CACNA1E: variants seen among roughly 807,000 people sequenced by gnomAD.
The protein encoded by CACNA1E is voltage-dependent R-type calcium channel subunit alpha-1E.
CACNA1E carries 40 observed loss-of-function variants against 259.2 expected under a neutral mutation model. That is an observed-to-expected ratio of 0.15 (90% confidence interval 0.12 to 0.20). The LOEUF (loss-of-function observed/expected upper bound fraction) is 0.20, where lower values mean the gene tolerates loss of function less well. Ranked by LOEUF, CACNA1E falls within the 10% of genes least tolerant of loss-of-function variation. The pLI, the probability that CACNA1E is intolerant of heterozygous loss-of-function variation, is 1.00. For synonymous variants in CACNA1E, 1,104 were observed against 1,138.5 expected (o/e 0.97, Z 0.61); for missense variants, 1,874 against 3,040.1 (o/e 0.62, Z 9.02).
chr1:181,619,220 C>CTTTTTTTTTTTTTTTTTT (rs1553301166), intron 6 of CACNA1E, among the ~76,000 whole-genome samples: 2 of 151,582 alleles, frequency 1.3e-5, no homozygotes, highest in African/African-American at 4.9e-5. Context: ...TGATGGTGTA[C>CTTTTTTTTTTTTTTTTTT]TTTTATATGG....
chr1:181,563,422 C>G (rs190001843), intron 3 of CACNA1E, among the ~76,000 whole-genome samples: 8 of 152,308 alleles, frequency 5.3e-5, no homozygotes, highest in African/African-American at 1.9e-4. Context: ...ATTTCCCAGA[C>G]TGCCCAAAAA....
At chr1:181,667,996 C>G (rs552747782) in intron 7 of CACNA1E, among the ~76,000 whole-genome samples, 1 of 152,302 alleles carries the variant, frequency 6.6e-6, no homozygotes, top group Admixed American at 6.5e-5. Flanking sequence ...AAAATTGACA[C>G]TGGTGCAATC....
intron 2 of CACNA1E, among the ~76,000 whole-genome samples, chr1:181,429,382 C>T (rs960720273): frequency 6.6e-6 from 1 of 152,088 alleles, no homozygotes; most frequent in African/African-American, 2.4e-5. Flanking sequence ...TCCTCTGTTG[C>T]GGTGCCTGCC....
At chr1:181,582,738 GA>G (rs1189576663) in intron 6 of CACNA1E, among the ~76,000 whole-genome samples, 6 of 152,228 alleles carry the variant, frequency 3.9e-5, no homozygotes, top group Non-Finnish European at 2.9e-5. Context: ...GAAATAGGGA[GA>G]AAAAAGTGCC....
chr1:181,593,578 G>A (rs1006561418), intron 6 of CACNA1E, among the ~76,000 whole-genome samples: 18 of 151,936 alleles, frequency 1.2e-4, no homozygotes, highest in Non-Finnish European at 1.9e-4. Context: ...TTGCTCTGTC[G>A]CCCAGGCTGG....
At chr1:181,749,204 A>C (rs1264831960) in intron 25 of CACNA1E, among the ~76,000 whole-genome samples, 11 of 152,238 alleles carry the variant, frequency 7.2e-5, no homozygotes, top group Non-Finnish European at 1.6e-4. Flanking sequence ...ATAAGAAAGG[A>C]AAGAAAAAAA....
At chr1:181,510,332 T>TTGCC in intron 1 of CACNA1E, 145 bp from the exon 2 acceptor site, 1 of 645,988 alleles carries the variant, frequency 1.5e-6, no homozygotes, top group Non-Finnish European at 2.8e-6. Flanking sequence ...ATCCACTGTC[T>TTGCC]TGCCTGCCTG....
At chr1:181,656,182 A>G (rs2102095335) in intron 7 of CACNA1E, among the ~76,000 whole-genome samples, 1 of 152,324 alleles carries the variant, frequency 6.6e-6, no homozygotes, top group African/African-American at 2.4e-5. Flanking sequence ...TTTTTAAAAA[A>G]GTTATCTGTA....
chr1:181,793,606 C>T (rs1014375154), intron 44 of CACNA1E, 59 bp from the exon 45 acceptor site: 22 of 1,569,840 alleles, frequency 1.4e-5, no homozygotes, highest in African/African-American at 1.4e-4. Flanking sequence ...GTCCACTGGA[C>T]GTGAGAAGCA....
At chr1:181,539,819 C>A (rs1476784632) in intron 3 of CACNA1E, among the ~76,000 whole-genome samples, 1 of 152,174 alleles carries the variant, frequency 6.6e-6, no homozygotes, top group African/African-American at 2.4e-5. Flanking sequence ...AGAAGATAGA[C>A]CCAGAGTTTA....
At chr1:181,636,763 C>T (rs1481578864) in intron 6 of CACNA1E, among the ~76,000 whole-genome samples, 1 of 152,212 alleles carries the variant, frequency 6.6e-6, no homozygotes, top group Non-Finnish European at 1.5e-5. Flanking sequence ...CTGGTTGACA[C>T]AGCTGAGGAA....
chr1:181,633,940 T>C (rs528210852), intron 6 of CACNA1E, among the ~76,000 whole-genome samples: 1 of 152,302 alleles, frequency 6.6e-6, no homozygotes, highest in African/African-American at 2.4e-5. Flanking sequence ...AAGGCCAGGG[T>C]TTTCCTATTA....
intron 3 of CACNA1E, among the ~76,000 whole-genome samples, chr1:181,523,468 A>G (rs1667135299): frequency 6.6e-6 from 1 of 152,228 alleles, no homozygotes; most frequent in Non-Finnish European, 1.5e-5. Context: ...CATAGTGATT[A>G]AGAATTTGGG....
At chr1:181,367,279 T>C (rs1417240487) in intron 1 of CACNA1E, among the ~76,000 whole-genome samples, 1 of 152,174 alleles carries the variant, frequency 6.6e-6, no homozygotes, top group Non-Finnish European at 1.5e-5. Flanking sequence ...TTTAAGAAGC[T>C]CTTTTTTGAG....
At chr1:181,533,826 C>T (rs923562295) in intron 3 of CACNA1E, among the ~76,000 whole-genome samples, 2 of 151,810 alleles carry the variant, frequency 1.3e-5, no homozygotes, top group East Asian at 1.9e-4. Context: ...TTTTATTACT[C>T]TTGTGAATGA....
At position 181,556,740 on chromosome 1, in the gene CACNA1E, T is replaced by C. The variant is rs548283660; in HGVS notation, c.513-21026T>C. ...GGGCAGGAGGGCACTGTGGTCATAA[T>C]GAGGTCATGGACTGCTAAAGCTTCC... On this transcript the variant is annotated intron_variant, in intron 3 of 47. Transcript: ENST00000367573. 9.2e-5 allele frequency among the ~76,000 whole-genome samples: 14 copies of C among 152,274 alleles called. No individual in the cohort carries two copies. The South Asian group carries it at 2.9e-3, about 32-fold the overall frequency.
intron 29 of CACNA1E, 111 bp downstream of exon 29, chr1:181,756,204 A>G (rs1489400610): frequency 9.1e-7 from 1 of 1,100,824 alleles, no homozygotes; most frequent in Non-Finnish European, 1.2e-6. Flanking sequence ...TATCAGGGAA[A>G]GTAAGGGGTT....
chr1:181,372,173 A>G (rs1268271153), intron 1 of CACNA1E, among the ~76,000 whole-genome samples: 1 of 152,206 alleles, frequency 6.6e-6, no homozygotes, highest in Non-Finnish European at 1.5e-5. Flanking sequence ...CTGAATATGT[A>G]AATTGCTTTG....
At chr1:181,442,598 G>GC (rs111490412) in intron 2 of CACNA1E, among the ~76,000 whole-genome samples, 9,732 of 152,218 alleles carry the variant, frequency 0.064, 514 homozygotes, top group African/African-American at 0.14. Flanking sequence ...TTGGGGGCAG[G>GC]CCAGCACAGC....
Sources: allele counts gnomAD v4.1 joint callset (sites outside exome capture counted in the v4.1 genomes callset), GRCh38; gene constraint gnomAD v4.1.1; transcripts MANE v1.5; gene names NCBI Gene and HGNC (gene_info 2026-07-23, HGNC 2026-07-21).